Variants in ISM1 observed in about 807,000 individuals in gnomAD.
The protein encoded by ISM1 is isthmin 1, also known as isthmin-1.
Under a neutral mutation model 46.3 loss-of-function variants are expected in ISM1, and 25 were observed. That is an observed-to-expected ratio of 0.54 (90% CI 0.39 to 0.75). ISM1 has a LOEUF of 0.75. Ranked by LOEUF, ISM1 falls within the 30% of genes least tolerant of loss-of-function variation. ISM1 has a pLI of 0.00. For missense variants in ISM1, 536 were observed against 625.4 expected (o/e 0.86, Z 1.52); for synonymous variants, 255 against 256.7 (o/e 0.99, Z 0.06).
At chr20:13,314,819 ATATC>A in the ISM1 span, among the ~76,000 whole-genome samples, 1 of 152,142 alleles carries the variant, frequency 6.6e-6, no homozygotes, top group South Asian at 2.1e-4. Context: ...GCACATATCT[ATATC>A]TATCTATATG....
At chr20:13,262,736 C>G (rs544452038) in intron 1 of ISM1, among the ~76,000 whole-genome samples, 1 of 151,716 alleles carries the variant, frequency 6.6e-6, no homozygotes, top group Non-Finnish European at 1.5e-5. Context: ...GTGTTGATCT[C>G]CATTTTGTCA....
intron 1 of ISM1, among the ~76,000 whole-genome samples, chr20:13,265,051 G>A (rs1221053499): frequency 6.6e-6 from 1 of 152,134 alleles, no homozygotes; most frequent in Non-Finnish European, 1.5e-5. Context: ...CGTTGGGCCC[G>A]ATGTGTATAA....
the ISM1 span, among the ~76,000 whole-genome samples, chr20:13,322,188 T>G: frequency 2.6e-5 from 4 of 152,242 alleles, no homozygotes; most frequent in Non-Finnish European, 2.9e-5. Flanking sequence ...CCTAGATGAC[T>G]TCCAATTTGA....
chr20:13,259,823 C>A (rs1165329355), intron 1 of ISM1, among the ~76,000 whole-genome samples: 1 of 152,234 alleles, frequency 6.6e-6, no homozygotes, highest in East Asian at 1.9e-4. Flanking sequence ...TACTTTGGGG[C>A]AGGCCTGTGC....
chr20:13,269,987 T>C (rs928940546), intron 1 of ISM1, among the ~76,000 whole-genome samples: 2 of 118,290 alleles, frequency 1.7e-5, no homozygotes, highest in African/African-American at 6.5e-5. Context: ...GTGAATGGAG[T>C]ATGGATGGGT....
At chr20:13,303,207 C>G (rs1568694959), downstream of ISM1, among the ~76,000 whole-genome samples, 2 of 152,208 alleles carry the variant, frequency 1.3e-5, no homozygotes. Flanking sequence ...GCTCTTAAAC[C>G]TAACGCCTGT....
At chr20:13,248,689 G>T (rs183307959) in intron 1 of ISM1, among the ~76,000 whole-genome samples, 1 of 152,248 alleles carries the variant, frequency 6.6e-6, no homozygotes, top group Non-Finnish European at 1.5e-5. Flanking sequence ...AAAACCCAGT[G>T]TTAGAGGGAC....
the ISM1 span, among the ~76,000 whole-genome samples, chr20:13,319,403 AC>A: frequency 2.6e-5 from 4 of 152,182 alleles, no homozygotes; most frequent in Admixed American, 1.3e-4. Context: ...GAGACACAGG[AC>A]CCACTGAGTC....
intron 1 of ISM1, among the ~76,000 whole-genome samples, chr20:13,249,993 G>T (rs976876191): frequency 2.6e-5 from 4 of 152,186 alleles, no homozygotes; most frequent in African/African-American, 9.6e-5. Flanking sequence ...GCCCAAGAAA[G>T]TCTATAATGG....
intron 2 of ISM1, among the ~76,000 whole-genome samples, chr20:13,273,958 G>A (rs568044647): frequency 2.6e-5 from 4 of 152,266 alleles, no homozygotes; most frequent in South Asian, 2.1e-4. Flanking sequence ...TCTGTTTGTG[G>A]AAGACCACAA....
At position 13,299,248 on chromosome 20, in the gene ISM1, C is replaced by A; in HGVS notation, c.1184C>A (p.Thr395Asn). Residue 395 changes from threonine to asparagine, a missense_variant, in exon 6 of 6, where the codon ACC (threonine) becomes AAC (asparagine). Coordinates refer to ENST00000262487, the MANE Select transcript of ISM1 (RefSeq NM_080826.2). This position sits in a 1 kb window ranked among gnomAD's most constrained non-coding sequence, Gnocchi z 5.8. ...CCYGDNMQLI[T>N]RGKGAGTPNL... ...TACGGCGACAACATGCAGCTCATCACCAGGGGCAAGGGGGCGGGCACGCCC... is the reference window on the plus strand; with the variant it reads ...TACGGCGACAACATGCAGCTCATCAACAGGGGCAAGGGGGCGGGCACGCCC... 6.2e-7 allele frequency: 1 copy of A among 1,604,742 alleles called. No homozygotes were observed. The highest frequency in any genetic ancestry group is 8.5e-7 in the Non-Finnish European group (1 of 1,175,514).
At chr20:13,292,508 C>T (rs746018096) in intron 5 of ISM1, 45 bp downstream of exon 5, 5 of 1,228,626 alleles carry the variant, frequency 4.1e-6, no homozygotes, top group African/African-American at 3.0e-5. Flanking sequence ...CTTAGTGCCT[C>T]GGAGATTCCT....
intron 5 of ISM1, among the ~76,000 whole-genome samples, chr20:13,296,660 G>C (rs1478851670): frequency 6.6e-6 from 1 of 152,172 alleles, no homozygotes; most frequent in African/African-American, 2.4e-5. Context: ...GCTGGTTTAG[G>C]CTGAGGGTGG....
intron 1 of ISM1, among the ~76,000 whole-genome samples, chr20:13,249,425 C>T (rs2039839870): frequency 6.6e-6 from 1 of 152,208 alleles, no homozygotes; most frequent in Non-Finnish European, 1.5e-5. Context: ...CCCAGGTGGA[C>T]AGACATGGCA....
At chr20:13,290,510 A>G (rs1227068040) in intron 4 of ISM1, among the ~76,000 whole-genome samples, 1 of 151,988 alleles carries the variant, frequency 6.6e-6, no homozygotes. Context: ...TTAGTCGGGC[A>G]TGGTGGCGGG....
chr20:13,271,633 A>G (rs1450082191), intron 2 of ISM1, among the ~76,000 whole-genome samples: 1 of 152,128 alleles, frequency 6.6e-6, no homozygotes, highest in Non-Finnish European at 1.5e-5. Flanking sequence ...CAGACTCCCA[A>G]CCCACATTCA....
chr20:13,325,526 C>T, the ISM1 span, among the ~76,000 whole-genome samples: 1 of 152,116 alleles, frequency 6.6e-6, no homozygotes, highest in Non-Finnish European at 1.5e-5. Flanking sequence ...TAATATTCAC[C>T]TTTCCCCAAC....
intron 2 of ISM1, among the ~76,000 whole-genome samples, chr20:13,277,805 C>T (rs2040197322): frequency 6.6e-6 from 1 of 152,120 alleles, no homozygotes; most frequent in Non-Finnish European, 1.5e-5. Context: ...ACTTGGCCTG[C>T]TGCAGCCTGA....
At chr20:13,247,837 A>G (rs574351758) in intron 1 of ISM1, among the ~76,000 whole-genome samples, 1 of 152,258 alleles carries the variant, frequency 6.6e-6, no homozygotes, top group Non-Finnish European at 1.5e-5. Flanking sequence ...AAGAAGTAGG[A>G]TCTTGGTTTC....
Sources: allele counts gnomAD v4.1 joint callset (sites outside exome capture counted in the v4.1 genomes callset), GRCh38; gene constraint gnomAD v4.1.1; non-coding constraint Gnocchi (gnomAD v3.1); transcripts MANE v1.5; gene names NCBI Gene and HGNC (gene_info 2026-07-23, HGNC 2026-07-21).